DUSP22: variants seen among roughly 807,000 people sequenced by gnomAD.
The protein encoded by DUSP22 is dual specificity phosphatase 22, also known as dual specificity protein phosphatase 22.
In DUSP22, 24 loss-of-function variants were observed where a neutral mutation model predicts 24.5. The observed-to-expected ratio is 0.98, with a 90% CI of 0.71 to 1.38. The LOEUF (loss-of-function observed/expected upper bound fraction) is 1.38. DUSP22 is among the 40% of genes most tolerant of loss of function. The pLI, the probability that DUSP22 is intolerant of heterozygous loss-of-function variation, is 0.00. For missense variants in DUSP22, 330 were observed against 269.2 expected (o/e 1.23, Z -1.58); for synonymous variants, 160 against 106.4 (o/e 1.50, Z -3.10).
At chr6:338,609 A>C (rs535384966) in intron 4 of DUSP22, among the ~76,000 whole-genome samples, 1 of 152,310 alleles carries the variant, frequency 6.6e-6, no homozygotes, top group African/African-American at 2.4e-5. Context: ...TGTGTTCTGC[A>C]GGACCTAAAC....
At chr6:316,736 A>G (rs906845126) in intron 3 of DUSP22, among the ~76,000 whole-genome samples, 1 of 152,308 alleles carries the variant, frequency 6.6e-6, no homozygotes, top group Non-Finnish European at 1.5e-5. Flanking sequence ...AAACAAAACT[A>G]TTTCTCACTA....
rs1225337670 is a variant in DUSP22, at chr6:349,227, G to A, written c.*276G>A. 1.5e-6 allele frequency: 2 copies of A among 1,379,050 alleles called. No individual in the cohort carries two copies. The highest frequency in any genetic ancestry group is 1.4e-5 in the African/African-American group (1 of 69,080). The allele number at this position is 1,379,050 out of a possible 1,614,324, so 85.4% of individuals were successfully genotyped here. A position where few individuals can be genotyped will look rare whatever the true frequency, so the allele number is the denominator to read the frequency against. Reference sequence around the variant, plus strand: ...CACGTGCGTGTGTGTGAGTGCACTTGTGTGTGGGTGACTAAGTGGATGCAT... The same window carrying A: ...CACGTGCGTGTGTGTGAGTGCACTTATGTGTGGGTGACTAAGTGGATGCAT... On this transcript the variant is annotated 3_prime_UTR_variant, in exon 7 of 7. Coordinates refer to ENST00000419235, the MANE Select transcript of DUSP22 (RefSeq NM_001286555.3).
intron 3 of DUSP22, among the ~76,000 whole-genome samples, chr6:329,527 A>G (rs1417533017): frequency 6.6e-6 from 1 of 152,252 alleles, no homozygotes; most frequent in Non-Finnish European, 1.5e-5. Context: ...ATCTCGGCTC[A>G]CTGCAACCTC....
At chr6:314,410 T>A (rs1758251605) in intron 3 of DUSP22, among the ~76,000 whole-genome samples, 1 of 152,306 alleles carries the variant, frequency 6.6e-6, no homozygotes, top group South Asian at 2.1e-4. Context: ...GCCCTGCTGC[T>A]GTGAAGCGAC....
intron 3 of DUSP22, among the ~76,000 whole-genome samples, chr6:313,514 A>C (rs1758201052): frequency 6.6e-6 from 1 of 152,306 alleles, no homozygotes; most frequent in African/African-American, 2.4e-5. Flanking sequence ...TTCCCGACAC[A>C]ACACACTACA....
chr6:328,121 T>G (rs1395384778), intron 3 of DUSP22, among the ~76,000 whole-genome samples: 1 of 152,304 alleles, frequency 6.6e-6, no homozygotes, highest in Non-Finnish European at 1.5e-5. Flanking sequence ...AGCAGCAGCT[T>G]TCACTCATGG....
chr6:335,014 T>A, intron 3 of DUSP22, 100 bp from the exon 4 acceptor site: 1 of 1,350,090 alleles, frequency 7.4e-7, no homozygotes, highest in Non-Finnish European at 1.0e-6. Context: ...CTCCTTTTTA[T>A]TTTTTTATTT....
intron 3 of DUSP22, among the ~76,000 whole-genome samples, chr6:321,770 C>T (rs951495053): frequency 2.0e-5 from 3 of 152,296 alleles, no homozygotes; most frequent in Non-Finnish European, 4.4e-5. Context: ...TTACAACAGC[C>T]ATAAACTCAT....
chr6:331,488 TC>T (rs1296139407), intron 3 of DUSP22, among the ~76,000 whole-genome samples: 2 of 152,312 alleles, frequency 1.3e-5, no homozygotes, highest in African/African-American at 4.8e-5. Context: ...ACTTATCCTG[TC>T]CTTTATTTCT....
intron 3 of DUSP22, among the ~76,000 whole-genome samples, chr6:321,238 C>A (rs968941988): frequency 1.2e-4 from 18 of 152,418 alleles, no homozygotes; most frequent in Admixed American, 2.6e-4. Flanking sequence ...TGTGTCCTGG[C>A]ACTTTGGGAG....
At chr6:305,300 C>T (rs1024527851) in intron 2 of DUSP22, among the ~76,000 whole-genome samples, 15 of 152,294 alleles carry the variant, frequency 9.8e-5, no homozygotes, top group South Asian at 2.1e-4. Flanking sequence ...AGGCTGTGCC[C>T]GCTCCAGCTC....
At chr6:346,021 C>T (rs1370540831) in intron 5 of DUSP22, 93 bp downstream of exon 5, 11 of 1,496,832 alleles carry the variant, frequency 7.3e-6, no homozygotes, top group Admixed American at 3.6e-5. Context: ...AATGGTTTCA[C>T]CTCCTAATAG....
At chr6:313,285 C>T (rs893306428) in intron 3 of DUSP22, among the ~76,000 whole-genome samples, 3 of 152,304 alleles carry the variant, frequency 2.0e-5, no homozygotes, top group Non-Finnish European at 4.4e-5. Context: ...CTTCATACTC[C>T]ATTAAATGGA....
chr6:335,545 G>A (rs1182810001), intron 4 of DUSP22, among the ~76,000 whole-genome samples: 1 of 152,302 alleles, frequency 6.6e-6, no homozygotes, highest in Admixed American at 6.5e-5. Flanking sequence ...GCCACAAATG[G>A]GCAGTTTTAA....
At chr6:303,816 T>G (rs1212649564) in intron 1 of DUSP22, among the ~76,000 whole-genome samples, 1 of 152,306 alleles carries the variant, frequency 6.6e-6, no homozygotes, top group Admixed American at 6.5e-5. Flanking sequence ...CAATTTCTCA[T>G]TGCCGACCTG....
chr6:321,979 A>T (rs946345676), intron 3 of DUSP22, among the ~76,000 whole-genome samples: 1 of 152,304 alleles, frequency 6.6e-6, no homozygotes, highest in Admixed American at 6.5e-5. Flanking sequence ...TCATCACTGG[A>T]TAGAAATACA....
At chr6:326,494 GC>G (rs1758880312) in intron 3 of DUSP22, among the ~76,000 whole-genome samples, 5 of 108,526 alleles carry the variant, frequency 4.6e-5, no homozygotes, top group Admixed American at 1.7e-4. Context: ...ATCTGCGGGT[GC>G]CTGGAGAGTC....
At chr6:296,389 C>G (rs1757329305) in intron 1 of DUSP22, among the ~76,000 whole-genome samples, 1 of 152,300 alleles carries the variant, frequency 6.6e-6, no homozygotes, top group Admixed American at 6.5e-5. Context: ...CCAGGGTCAC[C>G]CAGCTGGTGA....
intron 4 of DUSP22, among the ~76,000 whole-genome samples, chr6:342,417 G>A (rs1439671356): frequency 3.3e-5 from 5 of 152,310 alleles, no homozygotes; most frequent in Admixed American, 1.3e-4. Flanking sequence ...CCGTCCAGCT[G>A]CACCCCTGCA....
Sources: allele counts gnomAD v4.1 joint callset (sites outside exome capture counted in the v4.1 genomes callset), GRCh38; gene constraint gnomAD v4.1.1; transcripts MANE v1.5; gene names NCBI Gene and HGNC (gene_info 2026-07-23, HGNC 2026-07-21).